KDM4C: variants seen among roughly 807,000 people sequenced by gnomAD.
The protein encoded by KDM4C is lysine-specific demethylase 4C.
A neutral mutation model predicts 129.3 loss-of-function variants in KDM4C; 81 were observed. The ratio of observed to expected loss-of-function variants is 0.63; its 90% CI spans 0.52 to 0.75. KDM4C has a LOEUF of 0.75. Ranked by LOEUF, KDM4C falls within the 30% of genes least tolerant of loss-of-function variation. The pLI is 0.00. For synonymous variants in KDM4C, 573 were observed against 456.1 expected (o/e 1.26, Z -3.26); for missense variants, 1,457 against 1,304.0 (o/e 1.12, Z -1.81).
chr9:6,974,281 A>G (rs1832547920), intron 8 of KDM4C, among the ~76,000 whole-genome samples: 1 of 152,234 alleles, frequency 6.6e-6, no homozygotes, highest in Non-Finnish European at 1.5e-5. Flanking sequence ...ATACCTGAAC[A>G]TTTTAATAAA....
At chr9:6,845,839 G>C (rs1837765056) in intron 4 of KDM4C, among the ~76,000 whole-genome samples, 1 of 152,194 alleles carries the variant, frequency 6.6e-6, no homozygotes, top group South Asian at 2.1e-4. Flanking sequence ...TTTTGTTCGA[G>C]GGAGACAGAA....
intron 8 of KDM4C, among the ~76,000 whole-genome samples, chr9:6,967,979 C>G (rs989974056): frequency 5.9e-5 from 9 of 152,116 alleles, no homozygotes; most frequent in African/African-American, 1.4e-4. Flanking sequence ...TTAATTGAGA[C>G]AATATCTATA....
At chr9:7,068,339 A>G (rs1318530280) in intron 17 of KDM4C, among the ~76,000 whole-genome samples, 1 of 152,168 alleles carries the variant, frequency 6.6e-6, no homozygotes, top group Non-Finnish European at 1.5e-5. Context: ...TATTTTCCGC[A>G]CTTAGAAGTT....
At chr9:6,857,799 G>A (rs1175929609) in intron 5 of KDM4C, among the ~76,000 whole-genome samples, 1 of 149,260 alleles carries the variant, frequency 6.7e-6, no homozygotes, top group East Asian at 1.9e-4. Context: ...CTGTTGCTCA[G>A]ATTGGAGTGC....
intron 2 of KDM4C, among the ~76,000 whole-genome samples, chr9:6,801,789 T>G (rs1176158405): frequency 6.6e-6 from 1 of 152,030 alleles, no homozygotes; most frequent in Non-Finnish European, 1.5e-5. Context: ...ATAAAGAGAC[T>G]TGAATAAGTA....
chr9:7,062,755 G>A (rs1831886611), intron 17 of KDM4C, among the ~76,000 whole-genome samples: 2 of 152,112 alleles, frequency 1.3e-5, no homozygotes, highest in South Asian at 4.2e-4. Flanking sequence ...ATCTGTGGAA[G>A]GGGTGAAATT....
chr9:6,805,683 G>C lies in KDM4C; in HGVS notation c.229G>C (p.Val77Leu). 1.2e-6 allele frequency: 2 copies of C among 1,614,092 alleles called. No homozygotes were observed. The highest frequency in any genetic ancestry group is 1.7e-6 in the Non-Finnish European group (2 of 1,180,006). Residue 77 changes from valine to leucine, a missense_variant, in exon 3 of 22, where the codon GTC becomes CTC. Val to Leu is a conservative substitution (Grantham distance 32). Transcript: ENST00000381309. ...LLIPAPIQQM[V>L]TGQSGLFTQY... ...CATTCCAGCACCAATTCAGCAGATG[G>C]TCACAGGGCAGTCAGGACTGTTCAC... is the stretch of plus-strand genomic sequence containing the variant.
chr9:6,835,936 A>G (rs115243408), intron 4 of KDM4C, among the ~76,000 whole-genome samples: 1,661 of 152,290 alleles, frequency 0.011, 30 homozygotes, highest in African/African-American at 0.037. Flanking sequence ...CTCCGAGTCC[A>G]CATAGGGGAG....
chr9:6,915,457 G>T (rs1820135687), intron 8 of KDM4C, among the ~76,000 whole-genome samples: 1 of 152,004 alleles, frequency 6.6e-6, no homozygotes, highest in African/African-American at 2.4e-5. Flanking sequence ...TGAGGTTCGG[G>T]GTTACATTCC....
intron 19 of KDM4C, among the ~76,000 whole-genome samples, chr9:7,131,862 A>T (rs1840680323): frequency 6.6e-6 from 1 of 152,228 alleles, no homozygotes; most frequent in East Asian, 1.9e-4. Flanking sequence ...TCCTCAGAGA[A>T]ATCTTGTTTT....
chr9:6,870,869 C>CT, intron 5 of KDM4C, among the ~76,000 whole-genome samples: 1 of 152,222 alleles, frequency 6.6e-6, no homozygotes, highest in East Asian at 1.9e-4. Flanking sequence ...TAGGACTGAC[C>CT]TGCCTGAGCA....
intron 1 of KDM4C, among the ~76,000 whole-genome samples, chr9:6,777,660 C>T (rs897773244): frequency 5.1e-4 from 77 of 152,076 alleles, no homozygotes; most frequent in African/African-American, 1.6e-3. Flanking sequence ...GAGACTTAGT[C>T]TTGCTCTGTC....
At chr9:6,744,035 A>G (rs115193634) in intron 1 of KDM4C, among the ~76,000 whole-genome samples, 1,504 of 130,034 alleles carry the variant, frequency 0.012, 33 homozygotes, top group African/African-American at 0.041. Context: ...GGTGTGAGAC[A>G]CCATATCCGG....
intron 19 of KDM4C, among the ~76,000 whole-genome samples, chr9:7,147,544 T>G (rs1267821242): frequency 6.6e-6 from 1 of 152,222 alleles, no homozygotes; most frequent in African/African-American, 2.4e-5. Flanking sequence ...TACATTTTAG[T>G]CCCTGCCAAC....
At chr9:6,927,944 C>CT (rs1439691948) in intron 8 of KDM4C, among the ~76,000 whole-genome samples, 1 of 151,794 alleles carries the variant, frequency 6.6e-6, no homozygotes, top group Non-Finnish European at 1.5e-5. Flanking sequence ...TTCATTTGAA[C>CT]TTTTGGTATC....
intron 18 of KDM4C, among the ~76,000 whole-genome samples, chr9:7,123,305 C>G (rs537568617): frequency 1.3e-5 from 2 of 152,284 alleles, no homozygotes; most frequent in African/African-American, 4.8e-5. Flanking sequence ...TTCTACTTTC[C>G]AGACCCTGTG....
At chr9:6,736,482 G>A (rs960944146) in intron 1 of KDM4C, among the ~76,000 whole-genome samples, 1 of 152,092 alleles carries the variant, frequency 6.6e-6, no homozygotes, top group South Asian at 2.1e-4. Flanking sequence ...CTGCATCCCA[G>A]ACACTCCAGC....
At chr9:6,744,586 A>G (rs925523030) in intron 1 of KDM4C, among the ~76,000 whole-genome samples, 1 of 152,106 alleles carries the variant, frequency 6.6e-6, no homozygotes, top group African/African-American at 2.4e-5. Context: ...TAATAGAGAC[A>G]GGGTCTACTA....
At chr9:6,926,015 G>A (rs986324795) in intron 8 of KDM4C, among the ~76,000 whole-genome samples, 6 of 152,152 alleles carry the variant, frequency 3.9e-5, no homozygotes, top group Non-Finnish European at 7.3e-5. Context: ...ACTAGAGAGC[G>A]GCTTCCGAGC....
Sources: allele counts gnomAD v4.1 joint callset (sites outside exome capture counted in the v4.1 genomes callset), GRCh38; gene constraint gnomAD v4.1.1; transcripts MANE v1.5; gene names NCBI Gene and HGNC (gene_info 2026-07-23, HGNC 2026-07-21).